The following TRIP11 variants were observed in gnomAD, a reference collection of about 807,000 sequenced individuals.
TRIP11 encodes thyroid hormone receptor interactor 11.
TRIP11 carries 148 observed loss-of-function variants against 223.1 expected under a neutral mutation model. That is an observed-to-expected ratio of 0.66 (90% CI 0.58 to 0.76). TRIP11 has a LOEUF of 0.76. TRIP11 is among the 30% of genes least tolerant of loss of function. The pLI, the probability that TRIP11 is intolerant of heterozygous loss-of-function variation, is 0.00. For missense variants in TRIP11, 2,043 were observed against 2,222.0 expected (o/e 0.92, Z 1.62); for synonymous variants, 762 against 772.6 (o/e 0.99, Z 0.23).
At chr14:92,013,541 T>C (rs777150373) in intron 7 of TRIP11, among the ~76,000 whole-genome samples, 2 of 152,106 alleles carry the variant, frequency 1.3e-5, no homozygotes, top group South Asian at 2.1e-4. Flanking sequence ...ATAGTTAACA[T>C]AGGCAAAAAG....
In TRIP11 at chr14:92,034,424, C is replaced by CAAAAAAAAAAAAAAAA. The variant is rs34612555; in HGVS notation, c.140-1172_140-1171insTTTTTTTTTTTTTTTT. ...GGTTACAGAGTGAGACTCTTGTCTC[C>CAAAAAAAAAAAAAAAA]AAAAAAAAAAAAGGAAAGGGAGCTG... is the stretch of plus-strand genomic sequence containing the variant. On this transcript the variant is annotated intron_variant, in intron 1 of 20. Coordinates refer to ENST00000267622, the MANE Select transcript of TRIP11 (RefSeq NM_004239.4). Among the ~76,000 whole-genome samples, 585 of 133,086 alleles carry CAAAAAAAAAAAAAAAA rather than the reference C, an allele frequency of 4.4e-3. 7 individuals are homozygous for CAAAAAAAAAAAAAAAA. The highest frequency in any genetic ancestry group is 0.014 in the African/African-American group (481 of 35,232). 87.3% of individuals were successfully genotyped at this position (133,086 alleles called of 152,430 possible). A position where few individuals can be genotyped will look rare whatever the true frequency, so the allele number is the denominator to read the frequency against.
chr14:91,978,507 A>G lies in TRIP11; in HGVS notation c.5261-2318T>C, dbSNP rs909440964. ...ATACTGGGTTATATATAAAATATAT[A>G]TGTGTGTATATATATTTGAGACAGG... On this transcript the variant is annotated intron_variant, in intron 16 of 20. Coordinates refer to ENST00000267622, the MANE Select transcript of TRIP11 (RefSeq NM_004239.4). The surrounding 1 kb of genome is among the most constrained non-coding windows in gnomAD (Gnocchi z 4.4). Among the ~76,000 whole-genome samples the G allele has an allele frequency of 6.6e-6, 1 of 152,132 alleles. No homozygotes were observed. The highest frequency in any genetic ancestry group is 1.5e-5 in the Non-Finnish European group (1 of 68,042).
chr14:91,988,573 C>T (rs1031451902), intron 15 of TRIP11, among the ~76,000 whole-genome samples, 190 bp from the exon 16 acceptor site: 1 of 145,492 alleles, frequency 6.9e-6, no homozygotes, highest in African/African-American at 2.5e-5. Context: ...AATACTGCCT[C>T]ATTTAGAGGA....
intron 10 of TRIP11, among the ~76,000 whole-genome samples, chr14:92,006,730 C>T (rs1010201482): frequency 3.9e-4 from 59 of 151,390 alleles, no homozygotes; most frequent in African/African-American, 1.3e-3. Context: ...CTCGGCTCAC[C>T]GCAACCTCCG....
rs538868569 is a variant in TRIP11 at position 92,003,664 on chromosome 14, C to T, written c.4312G>A (p.Glu1438Lys). ...ENFTNKVNEN[E>K]LLRQAVTNLK... The stretch of plus-strand genomic sequence containing the variant: ...TTTGTTACTGCCTGCCTCAAAAGTT[C>T]GTTTTCATTTACTTTGTTAGTGAAA... Residue 1438 changes from glutamate to lysine, a missense_variant, in exon 11 of 21, where the codon GAA becomes AAA. Coordinates refer to ENST00000267622, the MANE Select transcript of TRIP11 (RefSeq NM_004239.4). 9.3e-6 allele frequency: 15 copies of T among 1,614,086 alleles called. No homozygotes were observed. The highest frequency in any genetic ancestry group is 8.9e-5 in the East Asian group (4 of 44,866).
At chr14:91,980,504 G>T (rs1420641606) in intron 16 of TRIP11, among the ~76,000 whole-genome samples, 3 of 152,182 alleles carry the variant, frequency 2.0e-5, no homozygotes, top group Admixed American at 1.3e-4. Context: ...TTATCTCAAA[G>T]AATTTGATAG....
intron 7 of TRIP11, among the ~76,000 whole-genome samples, chr14:92,013,829 T>C (rs1338176807): frequency 6.6e-6 from 1 of 152,076 alleles, no homozygotes; most frequent in African/African-American, 2.4e-5. Flanking sequence ...ACTGGTACAG[T>C]AACTAAATAT....
chr14:91,988,516 A>T, intron 15 of TRIP11, 133 bp from the exon 16 acceptor site: 1 of 715,250 alleles, frequency 1.4e-6, no homozygotes, highest in Non-Finnish European at 2.4e-6. Context: ...GGGCAAATGT[A>T]TCCAACCAAT....
rs774791504 is a variant in TRIP11, at chr14:92,003,935, T to C, written c.4041A>G (p.Gln1347=). 6 of 1,614,186 alleles carry C rather than the reference T, an allele frequency of 3.7e-6. No homozygotes were observed. Among genetic ancestry groups the C allele is most frequent in the South Asian group, 3.3e-5 (3 of 91,086 alleles). Residue 1347 remains glutamine (Q), a synonymous_variant, in exon 11 of 21, where the codon CAA becomes CAG. Coordinates refer to ENST00000267622, the MANE Select transcript of TRIP11 (RefSeq NM_004239.4). The part of the protein sequence containing the change: ...VLSESSELLQ[Q]ELEELRKSLQ... ...GTGATTTTCTTAGCTCTTCTAACTCTTGCTGAAGCAATTCAGAAGATTCAC... is the reference window on the plus strand; with the variant it reads ...GTGATTTTCTTAGCTCTTCTAACTCCTGCTGAAGCAATTCAGAAGATTCAC...
At chr14:91,975,959 T>C (rs2056458712) in intron 17 of TRIP11, 149 bp downstream of exon 17, 1 of 663,632 alleles carries the variant, frequency 1.5e-6, no homozygotes, top group Non-Finnish European at 2.6e-6. Context: ...TGACTCCTCA[T>C]TAAAGCTGCA....
intron 15 of TRIP11, among the ~76,000 whole-genome samples, chr14:91,989,547 G>A (rs1388679863): frequency 1.3e-5 from 2 of 149,254 alleles, no homozygotes; most frequent in Non-Finnish European, 3.0e-5. Flanking sequence ...TCTCCTCACT[G>A]CATTATTTCT....
chr14:92,019,396 C>T (rs1482883630), intron 4 of TRIP11, among the ~76,000 whole-genome samples: 1 of 152,140 alleles, frequency 6.6e-6, no homozygotes, highest in Non-Finnish European at 1.5e-5. Flanking sequence ...TACAATACTG[C>T]CAAGTTCTCC....
At chr14:91,995,782 A>AT (rs1370417875) in intron 13 of TRIP11, among the ~76,000 whole-genome samples, 1 of 151,784 alleles carries the variant, frequency 6.6e-6, no homozygotes, top group Non-Finnish European at 1.5e-5. Flanking sequence ...TGCCTGGCTA[A>AT]TTTTTGTATT....
chr14:92,023,100 C>A (rs1218432633), intron 3 of TRIP11, among the ~76,000 whole-genome samples: 2 of 152,182 alleles, frequency 1.3e-5, no homozygotes, highest in Non-Finnish European at 2.9e-5. Context: ...CAAGTGCAAG[C>A]TGTAATAACA....
At chr14:92,014,911 T>TTC (rs2057016555) in intron 6 of TRIP11, among the ~76,000 whole-genome samples, 1 of 151,562 alleles carries the variant, frequency 6.6e-6, no homozygotes, top group East Asian at 1.9e-4. Flanking sequence ...CAGAATTTTT[T>TTC]TTTTTTTTTT....
At chr14:92,014,093 ACACAGT>A in intron 7 of TRIP11, 116 bp downstream of exon 7, 2 of 1,336,482 alleles carry the variant, frequency 1.5e-6, no homozygotes, top group South Asian at 1.3e-5. Flanking sequence ...CCCAAATGAC[ACACAGT>A]CATTTCCAGG....
intron 2 of TRIP11, among the ~76,000 whole-genome samples, chr14:92,027,901 C>A (rs909042985): frequency 2.0e-5 from 3 of 152,210 alleles, no homozygotes; most frequent in Non-Finnish European, 4.4e-5. Context: ...ATAATTACAG[C>A]ATCCACAAAT....
intron 6 of TRIP11, among the ~76,000 whole-genome samples, chr14:92,015,258 T>C (rs1179229936): frequency 6.6e-6 from 1 of 152,188 alleles, no homozygotes; most frequent in African/African-American, 2.4e-5. Context: ...TAAGCAGAAC[T>C]AGTCATTTAC....
chr14:92,025,993 C>T (rs2140141600), intron 2 of TRIP11, among the ~76,000 whole-genome samples: 1 of 152,270 alleles, frequency 6.6e-6, no homozygotes, highest in Admixed American at 6.5e-5. Flanking sequence ...TAAGAAAAGG[C>T]CACGAATCAA....
Sources: allele counts gnomAD v4.1 joint callset (sites outside exome capture counted in the v4.1 genomes callset), GRCh38; gene constraint gnomAD v4.1.1; non-coding constraint Gnocchi (gnomAD v3.1); transcripts MANE v1.5; gene names NCBI Gene and HGNC (gene_info 2026-07-23, HGNC 2026-07-21).